ITGB2: variants seen among roughly 807,000 people sequenced by gnomAD.
The protein encoded by ITGB2 is integrin beta-2.
A neutral mutation model predicts 86.8 loss-of-function variants in ITGB2; 56 were observed. The observed-to-expected ratio is 0.65, with a 90% confidence interval of 0.52 to 0.81. The LOEUF is 0.81. Ranked by LOEUF, ITGB2 falls within the 30% of genes least tolerant of loss-of-function variation. The probability of loss-of-function intolerance (pLI) is 0.00; values close to 1 mark genes in which losing one functional copy is unlikely to be tolerated. For missense variants in ITGB2, 948 were observed against 1,061.2 expected, an observed-to-expected ratio of 0.89 and a Z score of 1.48; for synonymous variants, 457 against 450.4, an observed-to-expected ratio of 1.01 and a Z score of -0.19.
chr21:44,917,626 G>A (rs1022554342), intron 1 of ITGB2, among the ~76,000 whole-genome samples: 2 of 152,112 alleles, frequency 1.3e-5, no homozygotes, highest in South Asian at 4.1e-4. Flanking sequence ...TGGGACAGGG[G>A]CTTGCCAGCC....
chr21:44,910,519 G>A (rs2084114716), intron 2 of ITGB2, 147 bp from the exon 3 acceptor site: 1 of 1,510,240 alleles, frequency 6.6e-7, no homozygotes, highest in South Asian at 1.2e-5. Flanking sequence ...CCACCCCCAG[G>A]TGCAAAGAGG....
intron 1 of ITGB2, 97 bp from the exon 2 acceptor site, chr21:44,910,882 G>GGGACA: frequency 1.6e-6 from 2 of 1,270,176 alleles, no homozygotes; most frequent in Non-Finnish European, 2.2e-6. Context: ...ACAAGGAGCT[G>GGGACA]GGGCCCTGTC....
At chr21:44,906,889 G>A (rs1238153181) in intron 4 of ITGB2, 26 bp downstream of exon 4, 2 of 1,612,628 alleles carry the variant, frequency 1.2e-6, no homozygotes, top group East Asian at 2.2e-5. Flanking sequence ...GACGGTGCCT[G>A]GCACCACCAC....
upstream of ITGB2, among the ~76,000 whole-genome samples, chr21:44,923,817 G>A (rs1273703465): frequency 6.6e-6 from 1 of 152,120 alleles, no homozygotes; most frequent in Non-Finnish European, 1.5e-5. Flanking sequence ...AAAGTAAAAA[G>A]TGTAAGAAAG....
chr21:44,886,922 C>T lies in ITGB2; in HGVS notation c.2081-20G>A. 1.9e-6 allele frequency: 3 copies of T among 1,610,878 alleles called. No individual in the cohort carries two copies. Among genetic ancestry groups the T allele is most frequent in the Non-Finnish European group, 2.5e-6 (3 of 1,179,970 alleles). ...CACACTCTAGGGAAGAAGCAGCACA[C>T]CTGAGCGTCAGTCCAGCCCCATCTC... On this transcript the variant is annotated intron_variant, in intron 14 of 15. Transcript: ENST00000652462.
At chr21:44,906,629 T>C (rs187313444) in intron 4 of ITGB2, among the ~76,000 whole-genome samples, 15 of 152,128 alleles carry the variant, frequency 9.9e-5, no homozygotes, top group Admixed American at 2.0e-4. Flanking sequence ...GCAAATGGTT[T>C]GGTCTCCCTT....
intron 3 of ITGB2, chr21:44,907,968 C>G: frequency 1.5e-6 from 1 of 686,186 alleles, no homozygotes; most frequent in Non-Finnish European, 2.7e-6. Context: ...TAAATGTAAT[C>G]CACACAGAAA....
chr21:44,890,277 G>C, intron 11 of ITGB2, 55 bp from the exon 12 acceptor site: 1 of 1,608,344 alleles, frequency 6.2e-7, no homozygotes, highest in Non-Finnish European at 8.5e-7. Context: ...TGGGACAAGG[G>C]ACAGCCGCCC....
At chr21:44,921,925 T>C (rs2084311230), upstream of ITGB2, among the ~76,000 whole-genome samples, 1 of 152,182 alleles carries the variant, frequency 6.6e-6, no homozygotes, top group Non-Finnish European at 1.5e-5. Flanking sequence ...GGTTTCACTA[T>C]GTTGACCAGG....
At chr21:44,899,733 C>G (rs958603923) in intron 7 of ITGB2, among the ~76,000 whole-genome samples, 1 of 152,238 alleles carries the variant, frequency 6.6e-6, no homozygotes, top group Non-Finnish European at 1.5e-5. Context: ...AAGTCCTGGC[C>G]CCTCTGAGCC....
At chr21:44,894,707 G>T in intron 9 of ITGB2, 1 of 519,660 alleles carries the variant, frequency 1.9e-6, no homozygotes, top group South Asian at 2.0e-5. Context: ...CCGCAGAGAA[G>T]AGTCTGGAAT....
At chr21:44,890,854 C>G (rs2083776549) in intron 11 of ITGB2, among the ~76,000 whole-genome samples, 1 of 152,062 alleles carries the variant, frequency 6.6e-6, no homozygotes, top group South Asian at 2.1e-4. Flanking sequence ...CCAAGTGTTC[C>G]GACTGAGTCA....
chr21:44,894,798 C>T (rs984938597), intron 9 of ITGB2, 173 bp downstream of exon 9: 25 of 666,174 alleles, frequency 3.8e-5, no homozygotes, highest in East Asian at 1.4e-4. Flanking sequence ...GTGGAAGTGC[C>T]GGGCCAGGGT....
Position 44,886,850 on chromosome 21 carries a change from G to A in ITGB2, c.2133C>T (p.Gly711=). The A allele has an allele frequency of 6.2e-7, 1 of 1,613,654 alleles. No individual in the cohort carries two copies. The highest frequency in any genetic ancestry group is 8.5e-7 in the Non-Finnish European group (1 of 1,180,034). ...GCAGGAGAATGCCGATCAGCACGAT[G>A]CCTGCCACGGTGCCCCCGACGATGG... The part of the protein sequence containing the change: ...IAAIVGGTVA[G]IVLIGILLLV... Residue 711 remains glycine (G), a synonymous_variant, in exon 15 of 16, where the codon GGC becomes GGT. Coordinates refer to ENST00000652462, the MANE Select transcript of ITGB2 (RefSeq NM_000211.5).
In ITGB2 at chr21:44,903,091, A is replaced by G. The variant is rs1357227356; in HGVS notation, c.499+274T>C. Reference sequence around the variant, plus strand: ...TGGCACTGTCAGAATTTTGTCTTTTAAACATACCAAGAAATAAATAAAGGA... The same window carrying G: ...TGGCACTGTCAGAATTTTGTCTTTTGAACATACCAAGAAATAAATAAAGGA... On this transcript the variant is annotated intron_variant, in intron 5 of 15. Transcript: ENST00000652462. Among the ~76,000 whole-genome samples, 8 of 152,210 alleles carry G rather than the reference A, an allele frequency of 5.3e-5. No individual in the cohort carries two copies. The South Asian group carries it at 1.7e-3, about 31-fold the overall frequency.
rs34142945 is a variant in ITGB2 at position 44,919,301 on chromosome 21, A to G, written c.-4+1520T>C. Among the ~76,000 whole-genome samples the G allele has an allele frequency of 1.5e-3, 229 of 152,294 alleles. 2 individuals are homozygous for G. Among genetic ancestry groups the G allele is most frequent in the South Asian group, 0.015 (71 of 4,832 alleles). On this transcript the variant is annotated intron_variant, in intron 1 of 15. Transcript: ENST00000652462. Reference sequence around the variant, plus strand: ...GGGACGTAGCCAGGGACCTCTTCCCAGCAGAGGGACTCCCCCACTCATCCC... The same window carrying G: ...GGGACGTAGCCAGGGACCTCTTCCCGGCAGAGGGACTCCCCCACTCATCCC...
chr21:44,899,041 G>A lies in ITGB2; in HGVS notation c.993+26C>T, dbSNP rs774077125. 16 of 1,573,724 alleles carry A rather than the reference G, an allele frequency of 1.0e-5. No homozygotes were observed. The South Asian group carries it at 1.7e-4, about 16-fold the overall frequency. On this transcript the variant is annotated intron_variant, in intron 8 of 15. Transcript: ENST00000652462. The stretch of plus-strand genomic sequence containing the variant: ...GGCTGAAACATGCCCCCACCCAATG[G>A]ATGCTCGGGACCCAACAGCACTCAC...
chr21:44,918,412 A>G (rs941403678), intron 1 of ITGB2, among the ~76,000 whole-genome samples: 10 of 152,232 alleles, frequency 6.6e-5, no homozygotes, highest in African/African-American at 2.2e-4. Flanking sequence ...GCCAGAGTGG[A>G]CAGACCTGGG....
chr21:44,911,220 C>G (rs1167473408), intron 1 of ITGB2: 1 of 285,014 alleles, frequency 3.5e-6, no homozygotes, highest in African/African-American at 2.2e-5. Flanking sequence ...ACACCCCTTA[C>G]CCACACCATA....
Sources: gnomAD v4.1 joint callset for allele counts (sites outside exome capture counted in the v4.1 genomes callset) on GRCh38, gnomAD v4.1.1 for gene constraint, MANE v1.5 for transcripts, NCBI Gene and HGNC (gene_info 2026-07-23, HGNC 2026-07-21) for gene names.